Variants in SLC24A2 observed in about 807,000 individuals in gnomAD.
The protein encoded by SLC24A2 is solute carrier family 24 member 2.
Under a neutral mutation model 62.0 loss-of-function variants are expected in SLC24A2, and 36 were observed. The observed-to-expected ratio is 0.58, with a 90% CI of 0.44 to 0.77. The LOEUF (loss-of-function observed/expected upper bound fraction) is 0.77, where lower values mean the gene tolerates loss of function less well. SLC24A2 is among the 30% of genes least tolerant of loss of function. The pLI is 0.00. For missense variants in SLC24A2, 846 were observed against 817.9 expected (o/e 1.03, Z -0.42); for synonymous variants, 358 against 294.0 (o/e 1.22, Z -2.23).
Position 19,758,943 on chromosome 9 carries a change from CTTCT to C in SLC24A2, c.930+26990_930+26993del, listed in dbSNP as rs139593502. ...TTACCCCATACCGCAATGCACCTTC[CTTCT>C]GTTTCTGGGATAGACTGCAAAAAGT... On this transcript the variant is annotated intron_variant, in intron 2 of 10. Coordinates refer to ENST00000341998, the MANE Select transcript of SLC24A2 (RefSeq NM_020344.4). Among the ~76,000 whole-genome samples, 382 of 152,238 alleles carry C rather than the reference CTTCT, an allele frequency of 2.5e-3. 1 individual carries two copies. The highest frequency in any genetic ancestry group is 4.0e-3 in the Non-Finnish European group (275 of 68,022).
rs576275125 is a variant in SLC24A2, at chr9:19,658,824, G to A, written c.931-36525C>T. Among the ~76,000 whole-genome samples the A allele has an allele frequency of 3.3e-5, 5 of 152,254 alleles. No homozygotes were observed. The East Asian group carries it at 5.8e-4, about 18-fold the overall frequency. On this transcript the variant is annotated intron_variant, in intron 2 of 10. Coordinates refer to ENST00000341998, the MANE Select transcript of SLC24A2 (RefSeq NM_020344.4). ...CTTCTGTCTAGATGTAAAAGGCCAA[G>A]GGCTGGTTTCTCTCCCCAAGGCCAC... is the stretch of plus-strand genomic sequence containing the variant.
intron 2 of SLC24A2, among the ~76,000 whole-genome samples, chr9:19,716,315 T>C (rs1337713139): frequency 6.6e-6 from 1 of 152,236 alleles, no homozygotes; most frequent in African/African-American, 2.4e-5. Context: ...ATGCATTTTA[T>C]CCTGATTACA....
rs755200300 is a variant in SLC24A2 at position 19,597,313 on chromosome 9, G to C, written c.1079-34C>G. On this transcript the variant is annotated intron_variant, in intron 4 of 10. Transcript: ENST00000341998. ...TCACAGTAAAAGACACAAAGATAAG[G>C]AACGAGCTATAATGCAAGAACTTTG... 10 of 1,359,840 alleles carry C rather than the reference G, an allele frequency of 7.4e-6. No homozygotes were observed. The Admixed American group carries it at 1.2e-4, about 16-fold the overall frequency. 84.2% of individuals were successfully genotyped at this position (1,359,840 alleles called of 1,614,324 possible). A position where few individuals can be genotyped will look rare whatever the true frequency, so the allele number is the denominator to read the frequency against.
chr9:19,829,416 C>G, the SLC24A2 span, among the ~76,000 whole-genome samples: 2 of 152,142 alleles, frequency 1.3e-5, no homozygotes, highest in African/African-American at 4.8e-5. Flanking sequence ...GAGGACCTGG[C>G]ATGTTGCAAG....
At chr9:20,036,972 T>A in the SLC24A2 span, among the ~76,000 whole-genome samples, 1 of 152,042 alleles carries the variant, frequency 6.6e-6, no homozygotes, top group African/African-American at 2.4e-5. Flanking sequence ...CTCAGCTCAC[T>A]GCAACCTCTG....
intron 2 of SLC24A2, among the ~76,000 whole-genome samples, chr9:19,736,102 G>C (rs1821502426): frequency 6.6e-6 from 1 of 152,132 alleles, no homozygotes; most frequent in East Asian, 1.9e-4. Context: ...CATGCTGTCT[G>C]GAAAATGGTA....
At chr9:19,981,678 A>C in the SLC24A2 span, among the ~76,000 whole-genome samples, 4 of 152,174 alleles carry the variant, frequency 2.6e-5, no homozygotes, top group Non-Finnish European at 5.9e-5. Flanking sequence ...CACTGGCTAC[A>C]CTTGGCTTCT....
chr9:19,951,048 C>G, the SLC24A2 span, among the ~76,000 whole-genome samples: 1 of 152,184 alleles, frequency 6.6e-6, no homozygotes, highest in African/African-American at 2.4e-5. Flanking sequence ...TGATCTTACA[C>G]ATTGCTGAAG....
At chr9:19,880,931 G>A in the SLC24A2 span, among the ~76,000 whole-genome samples, 1 of 152,148 alleles carries the variant, frequency 6.6e-6, no homozygotes, top group Non-Finnish European at 1.5e-5. Flanking sequence ...GAGCCAGATT[G>A]CTTAGGTTCC....
chr9:20,110,224 G>T, the SLC24A2 span, among the ~76,000 whole-genome samples: 1 of 151,558 alleles, frequency 6.6e-6, no homozygotes, highest in African/African-American at 2.4e-5. Context: ...TAAACATAAG[G>T]TCACCATATT....
the SLC24A2 span, among the ~76,000 whole-genome samples, chr9:20,259,534 T>C: frequency 1.3e-5 from 2 of 152,142 alleles, no homozygotes; most frequent in Non-Finnish European, 2.9e-5. Context: ...AGAAAACCCC[T>C]TGGAAGCTCC....
At chr9:20,305,354 C>G in the SLC24A2 span, among the ~76,000 whole-genome samples, 7 of 152,106 alleles carry the variant, frequency 4.6e-5, no homozygotes, top group Non-Finnish European at 1.5e-5. Flanking sequence ...GATCGACCCC[C>G]TCGGCCTCCC....
the SLC24A2 span, among the ~76,000 whole-genome samples, chr9:19,834,860 G>C: frequency 3.9e-5 from 6 of 152,212 alleles, no homozygotes; most frequent in African/African-American, 1.4e-4. Flanking sequence ...AAGCCCATCA[G>C]ACTAACAGCG....
chr9:20,093,074 G>A, the SLC24A2 span, among the ~76,000 whole-genome samples: 1 of 150,980 alleles, frequency 6.6e-6, no homozygotes, highest in Non-Finnish European at 1.5e-5. Flanking sequence ...TTTTTGTTCT[G>A]TTTTTTGTTT....
chr9:19,776,693 T>C (rs1376614788), intron 2 of SLC24A2, among the ~76,000 whole-genome samples: 1 of 152,202 alleles, frequency 6.6e-6, no homozygotes, highest in Non-Finnish European at 1.5e-5. Context: ...ATTAAATCAT[T>C]TGAGAAAAAC....
At chr9:19,557,227 C>T (rs573284948) in intron 7 of SLC24A2, among the ~76,000 whole-genome samples, 5 of 152,166 alleles carry the variant, frequency 3.3e-5, no homozygotes, top group Non-Finnish European at 7.3e-5. Flanking sequence ...CCAGGATTCT[C>T]AGCTTTGTTT....
At chr9:20,303,796 G>C in the SLC24A2 span, among the ~76,000 whole-genome samples, 1 of 152,118 alleles carries the variant, frequency 6.6e-6, no homozygotes, top group Admixed American at 6.5e-5. Context: ...TCTTAAGTAG[G>C]GACAACCTAG....
At chr9:19,746,252 TA>T (rs1182820868) in intron 2 of SLC24A2, among the ~76,000 whole-genome samples, 1 of 152,130 alleles carries the variant, frequency 6.6e-6, no homozygotes, top group Non-Finnish European at 1.5e-5. Context: ...ATAAGAAATT[TA>T]AATAATTATT....
At chr9:19,593,417 T>C (rs151118380) in intron 5 of SLC24A2, among the ~76,000 whole-genome samples, 100 of 152,102 alleles carry the variant, frequency 6.6e-4, no homozygotes, top group African/African-American at 2.2e-3. Flanking sequence ...CCTCGGGAGC[T>C]GCTCCAGTGA....
Sources: allele counts gnomAD v4.1 joint callset (sites outside exome capture counted in the v4.1 genomes callset), GRCh38; gene constraint gnomAD v4.1.1; transcripts MANE v1.5; gene names NCBI Gene and HGNC (gene_info 2026-07-23, HGNC 2026-07-21).